The following PHEX variants were observed in gnomAD, a reference collection of about 807,000 sequenced individuals.
The protein encoded by PHEX is phosphate-regulating neutral endopeptidase PHEX.
PHEX carries 16 observed loss-of-function variants against 68.0 expected under a neutral mutation model. The ratio of observed to expected loss-of-function variants is 0.24; its 90% CI spans 0.16 to 0.36. The LOEUF (loss-of-function observed/expected upper bound fraction) is 0.36, where lower values mean the gene tolerates loss of function less well. PHEX is among the 10% of genes least tolerant of loss of function. PHEX has a pLI of 1.00. For missense variants in PHEX, 480 were observed against 575.5 expected (o/e 0.83, Z 1.70); for synonymous variants, 208 against 205.1 (o/e 1.01, Z -0.12).
At chrX:22,224,730 G>A (rs1236013557) in intron 18 of PHEX, among the ~76,000 whole-genome samples, 1 of 110,346 alleles carries the variant, frequency 9.1e-6, no homozygotes, top group East Asian at 2.9e-4. Flanking sequence ...TAGCTTTTGT[G>A]TACTGAAGCT....
intron 20 of PHEX, among the ~76,000 whole-genome samples, chrX:22,232,596 CTTTTT>C (rs745474280): frequency 2.0e-3 from 37 of 18,530 alleles, no homozygotes; most frequent in East Asian, 0.018. Context: ...GCCACTTCTG[CTTTTT>C]TTTTTTTTTT....
intron 14 of PHEX, among the ~76,000 whole-genome samples, chrX:22,181,043 G>T (rs1933867335): frequency 8.9e-6 from 1 of 111,841 alleles, no homozygotes. Context: ...TGGCTATTGT[G>T]AACAGTTCTA....
At chrX:22,193,675 T>C (rs1054828999) in intron 15 of PHEX, among the ~76,000 whole-genome samples, 2 of 111,779 alleles carry the variant, frequency 1.8e-5, no homozygotes, top group Non-Finnish European at 3.8e-5. Flanking sequence ...AGATTGTTTA[T>C]TCTTCTGTTG....
chrX:22,083,513 T>A (rs1929486491), intron 5 of PHEX, among the ~76,000 whole-genome samples: 1 of 112,425 alleles, frequency 8.9e-6, no homozygotes, highest in Admixed American at 9.4e-5. Context: ...ATCCTTCCAT[T>A]TTTTTGTGTC....
At chrX:22,099,291 G>T (rs765422660) in intron 9 of PHEX, 140 bp downstream of exon 9, 134 of 579,074 alleles carry the variant, frequency 2.3e-4, no homozygotes, top group South Asian at 8.9e-4. Flanking sequence ...GGTGTCCTTT[G>T]TGATGAACTG....
At chrX:22,232,491 C>A (rs1177774105) in intron 20 of PHEX, among the ~76,000 whole-genome samples, 1 of 106,131 alleles carries the variant, frequency 9.4e-6, no homozygotes, top group East Asian at 3.0e-4. Flanking sequence ...GTTAGCTCTT[C>A]TTGTTGCATT....
At chrX:22,234,462 C>A (rs1473408577) in intron 20 of PHEX, among the ~76,000 whole-genome samples, 3 of 110,619 alleles carry the variant, frequency 2.7e-5, no homozygotes, top group Non-Finnish European at 5.7e-5. Context: ...TTTAGAGATG[C>A]CCTGCCCAGA....
At chrX:22,111,894 T>C (rs906490635) in intron 10 of PHEX, among the ~76,000 whole-genome samples, 1 of 112,430 alleles carries the variant, frequency 8.9e-6, no homozygotes, top group Non-Finnish European at 1.9e-5. Flanking sequence ...ACTGTAATTA[T>C]AGTTTTAACA....
At chrX:22,057,544 C>T (rs7892561) in intron 3 of PHEX, among the ~76,000 whole-genome samples, 4,894 of 110,215 alleles carry the variant, frequency 0.044, 302 homozygotes, top group African/African-American at 0.15. Flanking sequence ...TGAGCCAAGA[C>T]TGCACAACTG....
intron 1 of PHEX, among the ~76,000 whole-genome samples, chrX:22,036,960 G>C (rs772787874): frequency 2.8e-5 from 3 of 107,826 alleles, no homozygotes; most frequent in Non-Finnish European, 5.7e-5. Flanking sequence ...TTAGCCGGGC[G>C]TGGTGGCGGG....
intron 12 of PHEX, among the ~76,000 whole-genome samples, chrX:22,165,907 A>G (rs1273318945): frequency 1.8e-5 from 2 of 112,104 alleles, no homozygotes; most frequent in East Asian, 5.6e-4. Context: ...CAACTCTACA[A>G]CTGTACTGCA....
Position 22,155,918 on chromosome X carries a change from T to A in PHEX, c.1405-12394T>A, listed in dbSNP as rs912795855. Among the ~76,000 whole-genome samples the A allele has an allele frequency of 5.1e-4, 57 of 111,745 alleles. 1 individual carries two copies. Among genetic ancestry groups the A allele is most frequent in the Non-Finnish European group, 2.8e-4 (15 of 53,199 alleles). Reference sequence around the variant, plus strand: ...TAAACATCTTAGGCATTGTGTGGGCTATATGGCTTCTGTTGCAACTACTCA... The same window carrying A: ...TAAACATCTTAGGCATTGTGTGGGCAATATGGCTTCTGTTGCAACTACTCA... On this transcript the variant is annotated intron_variant, in intron 12 of 21. Coordinates refer to ENST00000379374, the MANE Select transcript of PHEX (RefSeq NM_000444.6).
At chrX:22,195,827 T>G (rs1934350340) in intron 15 of PHEX, among the ~76,000 whole-genome samples, 1 of 111,572 alleles carries the variant, frequency 9.0e-6, no homozygotes. Context: ...TATCTTGATC[T>G]CAGATGTGGT....
chrX:22,099,280 C>T (rs1348704514), intron 9 of PHEX, 129 bp downstream of exon 9: 5 of 649,633 alleles, frequency 7.7e-6, no homozygotes, highest in Admixed American at 2.5e-5. Flanking sequence ...GGGAAAATCC[C>T]GGTGTCCTTT....
In PHEX at chrX:22,249,455, AATATATATATATAT is replaced by A. The variant is rs1198426834; in HGVS notation, c.*1521_*1534del. 6.3e-4 allele frequency: 25 copies of A among 39,762 alleles called. No homozygotes were observed. Among genetic ancestry groups the A allele is most frequent in the African/African-American group, 3.3e-3 (20 of 6,021 alleles). The allele number at this position is 39,762 out of a possible 1,213,427, so 3.3% of individuals were successfully genotyped here. A position where few individuals can be genotyped will look rare whatever the true frequency, so the allele number is the denominator to read the frequency against. On this transcript the variant is annotated 3_prime_UTR_variant, in exon 22 of 22. Coordinates refer to ENST00000379374, the MANE Select transcript of PHEX (RefSeq NM_000444.6). Reference sequence around the variant, plus strand: ...TTGTGATTCTTTTAAAAAAAAAAAAAATATATATATATATATATATATATATATATATGTATATC... The same window carrying A: ...TTGTGATTCTTTTAAAAAAAAAAAAAATATATATATATATATATGTATATC...
intron 18 of PHEX, among the ~76,000 whole-genome samples, chrX:22,222,866 A>C (rs140811319): frequency 8.7e-4 from 97 of 111,991 alleles, no homozygotes; most frequent in African/African-American, 3.1e-3. Context: ...AGAGATTAAA[A>C]TCCACGGTAG....
intron 8 of PHEX, chrX:22,097,685 A>G (rs1930201933): frequency 9.1e-6 from 6 of 659,951 alleles, no homozygotes; most frequent in Non-Finnish European, 1.1e-5. Flanking sequence ...AGACTTTTAG[A>G]GTAGCCAATC....
chrX:22,146,172 A>C (rs1273242556), intron 12 of PHEX, among the ~76,000 whole-genome samples: 4 of 112,323 alleles, frequency 3.6e-5, no homozygotes, highest in African/African-American at 6.5e-5. Flanking sequence ...AACAATTTGT[A>C]AATCAGTGCC....
chrX:22,230,350 C>A (rs1935683294), intron 20 of PHEX, among the ~76,000 whole-genome samples: 1 of 98,795 alleles, frequency 1.0e-5, no homozygotes, highest in Non-Finnish European at 2.0e-5. Context: ...ATGAATCTCT[C>A]TCTAAATTAC....
Sources: allele counts gnomAD v4.1 joint callset (sites outside exome capture counted in the v4.1 genomes callset), GRCh38; gene constraint gnomAD v4.1.1; transcripts MANE v1.5; gene names NCBI Gene and HGNC (gene_info 2026-07-23, HGNC 2026-07-21).